The following ATRNL1 variants were observed in gnomAD, a reference collection of about 807,000 sequenced individuals.
The protein encoded by ATRNL1 is attractin like 1.
Under a neutral mutation model 182.7 loss-of-function variants are expected in ATRNL1, and 95 were observed. The ratio of observed to expected loss-of-function variants is 0.52; its 90% CI spans 0.44 to 0.62. The LOEUF (loss-of-function observed/expected upper bound fraction) is 0.62, where lower values mean the gene tolerates loss of function less well. ATRNL1 is among the 20% of genes least tolerant of loss of function. ATRNL1 has a pLI of 0.00. For missense variants in ATRNL1, 1,471 were observed against 1,679.5 expected, an observed-to-expected ratio of 0.88 and a Z score of 2.17; for synonymous variants, 576 against 568.3, an observed-to-expected ratio of 1.01 and a Z score of -0.19.
intron 26 of ATRNL1, among the ~76,000 whole-genome samples, chr10:115,573,377 C>T (rs1195362129): frequency 2.0e-5 from 3 of 151,904 alleles, no homozygotes; most frequent in Non-Finnish European, 4.4e-5. Flanking sequence ...TGTCTGCTTG[C>T]CTCCTCATCA....
chr10:115,836,183 C>T (rs1435762135), intron 27 of ATRNL1, among the ~76,000 whole-genome samples: 1 of 152,170 alleles, frequency 6.6e-6, no homozygotes, highest in Admixed American at 6.6e-5. Context: ...TTTGTGTGGG[C>T]TGCATTTGCC....
intron 19 of ATRNL1, among the ~76,000 whole-genome samples, chr10:115,384,833 A>G (rs1283512246): frequency 1.3e-5 from 2 of 150,166 alleles, no homozygotes; most frequent in Non-Finnish European, 3.0e-5. Context: ...GATTTCTTTC[A>G]CTCAGCATTT....
chr10:115,531,305 T>G (rs1449563688), intron 25 of ATRNL1, among the ~76,000 whole-genome samples: 1 of 152,148 alleles, frequency 6.6e-6, no homozygotes, highest in South Asian at 2.1e-4. Context: ...TCCTGACTTT[T>G]TAATGGTTGC....
At chr10:115,096,279 T>C (rs537695282) in intron 1 of ATRNL1, among the ~76,000 whole-genome samples, 1 of 152,188 alleles carries the variant, frequency 6.6e-6, no homozygotes, top group Non-Finnish European at 1.5e-5. Context: ...TAAATATAAC[T>C]GGTGTAACGA....
intron 5 of ATRNL1, among the ~76,000 whole-genome samples, chr10:115,143,667 T>A (rs1845842839): frequency 1.3e-5 from 2 of 152,040 alleles, no homozygotes; most frequent in African/African-American, 4.8e-5. Context: ...GCCTTTTTGT[T>A]CTATCCTTAT....
intron 17 of ATRNL1, among the ~76,000 whole-genome samples, chr10:115,313,873 T>C (rs745980183): frequency 4.0e-4 from 61 of 152,144 alleles, no homozygotes; most frequent in Non-Finnish European, 6.6e-4. Flanking sequence ...TAATTAGATA[T>C]TTTCCCTTAT....
intron 10 of ATRNL1, among the ~76,000 whole-genome samples, chr10:115,259,039 A>G (rs1046958328): frequency 6.6e-6 from 1 of 152,094 alleles, no homozygotes; most frequent in Admixed American, 6.5e-5. Flanking sequence ...GTCAGCCCCT[A>G]CTGAGAGGTT....
At chr10:115,560,513 A>G (rs1390245877) in intron 26 of ATRNL1, among the ~76,000 whole-genome samples, 1 of 152,186 alleles carries the variant, frequency 6.6e-6, no homozygotes, top group Non-Finnish European at 1.5e-5. Flanking sequence ...GAAAGAAATT[A>G]AAGAAGACCT....
intron 27 of ATRNL1, among the ~76,000 whole-genome samples, chr10:115,738,165 G>C (rs1555066587): frequency 2.8e-5 from 1 of 35,092 alleles, no homozygotes; most frequent in Non-Finnish European, 6.0e-5. Context: ...TTGAGATGGA[G>C]TCCTGCTCTG....
chr10:115,676,402 T>A (rs12252706), intron 26 of ATRNL1, among the ~76,000 whole-genome samples: 6 of 152,038 alleles, frequency 3.9e-5, no homozygotes, highest in Non-Finnish European at 7.4e-5. Flanking sequence ...CTGCAATACA[T>A]GTCTTATATG....
intron 27 of ATRNL1, among the ~76,000 whole-genome samples, chr10:115,743,017 A>G (rs1483895286): frequency 6.6e-6 from 1 of 152,128 alleles, no homozygotes; most frequent in African/African-American, 2.4e-5. Flanking sequence ...AGGAAGGAGA[A>G]GTGCCGAGTA....
intron 9 of ATRNL1, among the ~76,000 whole-genome samples, chr10:115,237,784 A>C (rs1444292131): frequency 6.6e-6 from 1 of 152,146 alleles, no homozygotes; most frequent in Admixed American, 6.5e-5. Flanking sequence ...TGCTGTATCT[A>C]AAATGTCATC....
chr10:115,116,456 A>G (rs1367097020), intron 1 of ATRNL1, among the ~76,000 whole-genome samples: 1 of 152,058 alleles, frequency 6.6e-6, no homozygotes, highest in African/African-American at 2.4e-5. Flanking sequence ...AAAAAAATAA[A>G]TGGAAAACTA....
At chr10:115,587,106 C>A (rs1307105808) in intron 26 of ATRNL1, among the ~76,000 whole-genome samples, 3 of 148,614 alleles carry the variant, frequency 2.0e-5, no homozygotes, top group African/African-American at 4.9e-5. Flanking sequence ...AGGCAGTCTG[C>A]CCGTTCTCAG....
chr10:115,679,630 TA>T (rs1263482840), intron 26 of ATRNL1, among the ~76,000 whole-genome samples: 1 of 152,154 alleles, frequency 6.6e-6, no homozygotes, highest in African/African-American at 2.4e-5. Context: ...CCTAATTTGA[TA>T]TTTGCCCTGA....
intron 28 of ATRNL1, among the ~76,000 whole-genome samples, chr10:115,894,673 G>C (rs1366526042): frequency 6.6e-6 from 1 of 152,128 alleles, no homozygotes; most frequent in Non-Finnish European, 1.5e-5. Flanking sequence ...CAAAATCGCG[G>C]GGTGTCTGTT....
chr10:115,389,578 A>G (rs1413970621), intron 19 of ATRNL1, among the ~76,000 whole-genome samples: 8 of 110,432 alleles, frequency 7.2e-5, no homozygotes, highest in East Asian at 2.4e-4. Flanking sequence ...ATATATATAT[A>G]TATATATATA....
At chr10:115,559,922 T>C (rs1003892143) in intron 26 of ATRNL1, among the ~76,000 whole-genome samples, 40 of 152,198 alleles carry the variant, frequency 2.6e-4, no homozygotes, top group African/African-American at 9.6e-4. Context: ...AAGAGCCATC[T>C]AGATTGGGAA....
chr10:115,260,924 A>G (rs1851365815), intron 10 of ATRNL1, among the ~76,000 whole-genome samples: 1 of 152,116 alleles, frequency 6.6e-6, no homozygotes, highest in Non-Finnish European at 1.5e-5. Flanking sequence ...AGCAAAGAAC[A>G]TAACATTTTA....
Sources: allele counts gnomAD v4.1 joint callset (sites outside exome capture counted in the v4.1 genomes callset), GRCh38; gene constraint gnomAD v4.1.1; transcripts MANE v1.5; gene names NCBI Gene and HGNC (gene_info 2026-07-23, HGNC 2026-07-21).